PTPRK: variants seen among roughly 807,000 people sequenced by gnomAD.
PTPRK encodes the protein protein tyrosine phosphatase receptor type K.
Under a neutral mutation model 178.0 loss-of-function variants are expected in PTPRK, and 75 were observed. The ratio of observed to expected loss-of-function variants is 0.42; its 90% CI spans 0.35 to 0.51. The LOEUF is 0.51. Among genes scored for constraint, PTPRK ranks in the 20% least tolerant of loss-of-function variants. The pLI, the probability that PTPRK is intolerant of heterozygous loss-of-function variation, is 0.02. For synonymous variants in PTPRK, 637 were observed against 620.6 expected (o/e 1.03, Z -0.39); for missense variants, 1,441 against 1,797.8 (o/e 0.80, Z 3.59).
At chr6:128,109,257 T>C (rs113301958) in intron 7 of PTPRK, among the ~76,000 whole-genome samples, 3,906 of 152,206 alleles carry the variant, frequency 0.026, 76 homozygotes, top group Middle Eastern at 0.092. Context: ...AAATGTAAAA[T>C]TAATTATGAT....
intron 6 of PTPRK, among the ~76,000 whole-genome samples, chr6:128,190,719 A>C (rs546116286): frequency 1.3e-5 from 2 of 151,958 alleles, no homozygotes; most frequent in South Asian, 4.2e-4. Flanking sequence ...GGCTGGTCTG[A>C]AACTCCAGAC....
rs183267393 is a variant in PTPRK at position 128,030,762 on chromosome 6, C to T, written c.2195-21494G>A. On this transcript the variant is annotated intron_variant, in intron 13 of 29. Coordinates refer to ENST00000368226, the MANE Select transcript of PTPRK (RefSeq NM_002844.4). ...GCACATCAGGCTTGCTTTTTTTCCC[C>T]CAAGTCAGAAATCAAGTTCAAGAAG... is the stretch of plus-strand genomic sequence containing the variant. 4.6e-5 allele frequency among the ~76,000 whole-genome samples: 7 copies of T among 152,196 alleles called. No individual in the cohort carries two copies. The East Asian group carries it at 1.4e-3, about 29-fold the overall frequency.
intron 3 of PTPRK, among the ~76,000 whole-genome samples, chr6:128,266,609 T>C (rs1489284667): frequency 6.6e-6 from 1 of 152,072 alleles, no homozygotes; most frequent in Admixed American, 6.6e-5. Flanking sequence ...AGGTCTTTCC[T>C]AGAATAGAAT....
chr6:128,357,852 G>A (rs1467655048), intron 2 of PTPRK, among the ~76,000 whole-genome samples: 1 of 152,100 alleles, frequency 6.6e-6, no homozygotes, highest in African/African-American at 2.4e-5. Context: ...ACTTTCATCA[G>A]TGCAACCTTT....
chr6:128,241,101 TAGTA>T, intron 4 of PTPRK: 2 of 398,614 alleles, frequency 5.0e-6, no homozygotes, highest in Non-Finnish European at 1.0e-5. Flanking sequence ...TGAAAGAACT[TAGTA>T]AGGCAGCTTG....
chr6:128,506,349 A>C (rs886970682), intron 1 of PTPRK, among the ~76,000 whole-genome samples: 1 of 152,160 alleles, frequency 6.6e-6, no homozygotes, highest in African/African-American at 2.4e-5. Context: ...ATATTTTATC[A>C]TCTGAGATTA....
rs939546513 is a variant in PTPRK at position 128,519,883 on chromosome 6, C to T, written c.100+376G>A. 2.0e-5 allele frequency among the ~76,000 whole-genome samples: 3 copies of T among 152,190 alleles called. No individual in the cohort carries two copies. The highest frequency in any genetic ancestry group is 2.9e-5 in the Non-Finnish European group (2 of 68,038). On this transcript the variant is annotated intron_variant, in intron 1 of 29. Transcript: ENST00000368226. The surrounding 1 kb of genome is among the most constrained non-coding windows in gnomAD (Gnocchi z 4.3). ...GCTTCCCAGGGAATTTGTTTAAACA[C>T]CCAAGTGGCAGACAGCAACAAACCC...
chr6:128,433,559 A>C (rs144337662), intron 1 of PTPRK, among the ~76,000 whole-genome samples: 37 of 151,828 alleles, frequency 2.4e-4, no homozygotes, highest in African/African-American at 8.9e-4. Context: ...CCAAGGCTAT[A>C]CTGCAGTGGC....
At chr6:128,429,281 A>G (rs945960199) in intron 1 of PTPRK, among the ~76,000 whole-genome samples, 1 of 152,200 alleles carries the variant, frequency 6.6e-6, no homozygotes, top group African/African-American at 2.4e-5. Flanking sequence ...TTTTCAAAGT[A>G]GATAATTAAT....
chr6:128,167,427 T>C (rs541562379), intron 7 of PTPRK, among the ~76,000 whole-genome samples: 41 of 152,098 alleles, frequency 2.7e-4, no homozygotes, highest in African/African-American at 9.9e-4. Flanking sequence ...AATTGTTTTC[T>C]TATATATTAT....
chr6:128,133,706 C>T (rs1794595249), intron 7 of PTPRK, among the ~76,000 whole-genome samples: 1 of 151,012 alleles, frequency 6.6e-6, no homozygotes, highest in East Asian at 1.9e-4. Context: ...GAAATAATAA[C>T]TAAAGAAAGG....
intron 13 of PTPRK, among the ~76,000 whole-genome samples, chr6:128,047,303 T>C (rs1391756365): frequency 6.6e-6 from 1 of 152,330 alleles, no homozygotes; most frequent in East Asian, 1.9e-4. Flanking sequence ...TTGCTTACCA[T>C]AAGTAATATT....
chr6:128,205,271 T>A (rs1205106320), intron 6 of PTPRK, among the ~76,000 whole-genome samples: 2 of 151,900 alleles, frequency 1.3e-5, no homozygotes, highest in Non-Finnish European at 2.9e-5. Context: ...GATGGAAGTA[T>A]GCGGGGGAGG....
intron 2 of PTPRK, among the ~76,000 whole-genome samples, chr6:128,331,071 T>C (rs1830211078): frequency 6.6e-6 from 1 of 152,172 alleles, no homozygotes. Flanking sequence ...TCACTTTTTA[T>C]TATTTCCTTT....
At chr6:128,299,771 A>C (rs1286661273) in intron 3 of PTPRK, among the ~76,000 whole-genome samples, 2 of 152,218 alleles carry the variant, frequency 1.3e-5, no homozygotes, top group Non-Finnish European at 2.9e-5. Flanking sequence ...TAAAAACCCC[A>C]GAAGAAAACC....
intron 2 of PTPRK, among the ~76,000 whole-genome samples, chr6:128,385,839 C>A (rs1453710450): frequency 3.3e-5 from 5 of 152,178 alleles, no homozygotes; most frequent in Non-Finnish European, 7.4e-5. Flanking sequence ...AGCTTCAGAG[C>A]TGATATCACC....
intron 2 of PTPRK, among the ~76,000 whole-genome samples, chr6:128,371,362 T>C (rs1268071926): frequency 6.6e-6 from 1 of 152,192 alleles, no homozygotes; most frequent in African/African-American, 2.4e-5. Flanking sequence ...TGATAGCTTG[T>C]TAGCATATGA....
intron 7 of PTPRK, among the ~76,000 whole-genome samples, chr6:128,115,509 TAAAAA>T (rs552245300): frequency 1.4e-3 from 208 of 152,126 alleles, no homozygotes; most frequent in African/African-American, 4.9e-3. Flanking sequence ...AAGCTGATCA[TAAAAA>T]TAAAATTAGG....
At chr6:128,411,264 G>A (rs988385155) in intron 1 of PTPRK, among the ~76,000 whole-genome samples, 2 of 152,056 alleles carry the variant, frequency 1.3e-5, no homozygotes, top group African/African-American at 2.4e-5. Context: ...AAGCATTTCG[G>A]ACACAAAGTT....
Sources: gnomAD v4.1 joint callset for allele counts (sites outside exome capture counted in the v4.1 genomes callset) on GRCh38, gnomAD v4.1.1 for gene constraint, Gnocchi (gnomAD v3.1) non-coding constraint, MANE v1.5 for transcripts, NCBI Gene and HGNC (gene_info 2026-07-23, HGNC 2026-07-21) for gene names.